NOX4: variants seen among roughly 807,000 people sequenced by gnomAD.
NOX4 encodes the protein kidney oxidase-1.
Under a neutral mutation model 87.6 loss-of-function variants are expected in NOX4, and 69 were observed. The observed-to-expected ratio is 0.79, with a 90% CI of 0.65 to 0.96. NOX4 has a LOEUF of 0.96. Ranked by LOEUF, NOX4 falls within the 40% of genes least tolerant of loss-of-function variation. NOX4 has a pLI of 0.00. For synonymous variants in NOX4, 275 were observed against 238.2 expected, an observed-to-expected ratio of 1.15 and a Z score of -1.42; for missense variants, 680 against 681.5, an observed-to-expected ratio of 1.00 and a Z score of 0.02.
chr11:89,466,103 A>G (rs1945681358), intron 2 of NOX4, among the ~76,000 whole-genome samples: 1 of 152,160 alleles, frequency 6.6e-6, no homozygotes, highest in Non-Finnish European at 1.5e-5. Context: ...ATCAAACCCT[A>G]AATCTATTGA....
the NOX4 span, among the ~76,000 whole-genome samples, chr11:89,527,165 G>A: frequency 3.3e-5 from 5 of 151,996 alleles, no homozygotes; most frequent in African/African-American, 1.2e-4. Flanking sequence ...GATGATTTAG[G>A]GTATCTGGTG....
At chr11:89,370,427 C>T (rs1424717631) in intron 12 of NOX4, among the ~76,000 whole-genome samples, 3 of 151,564 alleles carry the variant, frequency 2.0e-5, no homozygotes, top group Non-Finnish European at 4.4e-5. Context: ...GAATAAGTGG[C>T]TATTTAGACC....
chr11:89,578,243 C>T, the NOX4 span, among the ~76,000 whole-genome samples: 2 of 151,492 alleles, frequency 1.3e-5, no homozygotes, highest in South Asian at 2.1e-4. Flanking sequence ...CTTACTGCAA[C>T]CTCTGCCTCC....
At chr11:89,520,621 C>A in the NOX4 span, among the ~76,000 whole-genome samples, 1 of 152,084 alleles carries the variant, frequency 6.6e-6, no homozygotes, top group Non-Finnish European at 1.5e-5. Flanking sequence ...TGGAAGCATT[C>A]CCCTGGAGAA....
At chr11:89,549,994 A>T in the NOX4 span, among the ~76,000 whole-genome samples, 1 of 152,126 alleles carries the variant, frequency 6.6e-6, no homozygotes, top group Non-Finnish European at 1.5e-5. Context: ...AATGATTTAT[A>T]ATCCTTTGGG....
chr11:89,580,623 C>A, the NOX4 span, among the ~76,000 whole-genome samples: 1 of 152,052 alleles, frequency 6.6e-6, no homozygotes, highest in Non-Finnish European at 1.5e-5. Flanking sequence ...TAGTAAAATT[C>A]TCATTGGGAA....
intron 11 of NOX4, among the ~76,000 whole-genome samples, chr11:89,392,340 G>A (rs1941191087): frequency 6.6e-6 from 1 of 152,082 alleles, no homozygotes; most frequent in African/African-American, 2.4e-5. Flanking sequence ...TGAAGGCCCG[G>A]GGTGAGATGT....
intron 7 of NOX4, among the ~76,000 whole-genome samples, chr11:89,429,840 C>T (rs1943679206): frequency 6.6e-6 from 1 of 152,136 alleles, no homozygotes; most frequent in African/African-American, 2.4e-5. Flanking sequence ...GGGAATCCTC[C>T]CTAACTCATT....
intron 2 of NOX4, among the ~76,000 whole-genome samples, chr11:89,479,933 G>A (rs1375278369): frequency 6.6e-6 from 1 of 152,004 alleles, no homozygotes. Flanking sequence ...CATATGTGGG[G>A]GATTGGTTCC....
the NOX4 span, among the ~76,000 whole-genome samples, chr11:89,509,996 T>G: frequency 1.3e-5 from 2 of 151,988 alleles, no homozygotes; most frequent in African/African-American, 4.8e-5. Context: ...TGGAGGTAAT[T>G]TGAACCTACG....
At chr11:89,467,217 G>A (rs911891639) in intron 2 of NOX4, among the ~76,000 whole-genome samples, 2 of 151,352 alleles carry the variant, frequency 1.3e-5, no homozygotes, top group African/African-American at 4.8e-5. Flanking sequence ...TGGGCCTAGT[G>A]GCGGGCGCCT....
At chr11:89,494,572 C>T (rs572601474), upstream of NOX4, among the ~76,000 whole-genome samples, 12 of 152,214 alleles carry the variant, frequency 7.9e-5, no homozygotes, top group African/African-American at 2.4e-4. Context: ...ATTTACACAA[C>T]GTTTATTAGA....
chr11:89,490,849 A>T (rs1208904074), intron 1 of NOX4: 1 of 701,006 alleles, frequency 1.4e-6, no homozygotes, highest in South Asian at 1.5e-5. Flanking sequence ...TGACATCACC[A>T]TACCCCAAGC....
chr11:89,477,231 G>A (rs749396663), intron 2 of NOX4, among the ~76,000 whole-genome samples: 7 of 152,122 alleles, frequency 4.6e-5, no homozygotes, highest in Non-Finnish European at 7.3e-5. Flanking sequence ...TATCTGGGGG[G>A]TGACAGGAGA....
intron 11 of NOX4, among the ~76,000 whole-genome samples, chr11:89,388,386 A>C (rs553896099): frequency 6.6e-6 from 1 of 152,024 alleles, no homozygotes; most frequent in African/African-American, 2.4e-5. Flanking sequence ...TAAGTGCCTC[A>C]CCATGGAGGT....
rs1203309366 is a variant in NOX4 at position 89,399,997 on chromosome 11, G to A, written c.1074+20C>T. 3 of 1,584,724 alleles carry A rather than the reference G, an allele frequency of 1.9e-6. No homozygotes were observed. In the African/African-American group the frequency reaches 4.1e-5, roughly 22 times the overall value. ...CATAGCACCCTACAAATGTGAAAAA[G>A]CAAGAGATATGTTTCTTACCATTGT... On this transcript the variant is annotated intron_variant, in intron 11 of 17. Coordinates refer to ENST00000263317, the MANE Select transcript of NOX4 (RefSeq NM_016931.5).
chr11:89,349,695 A>T (rs183631529), intron 13 of NOX4, among the ~76,000 whole-genome samples: 1 of 152,326 alleles, frequency 6.6e-6, no homozygotes, highest in Non-Finnish European at 1.5e-5. Flanking sequence ...GGAAGCTCAG[A>T]GAACTTGATC....
At chr11:89,403,075 G>A (rs920753028) in intron 8 of NOX4, among the ~76,000 whole-genome samples, 26 of 152,268 alleles carry the variant, frequency 1.7e-4, no homozygotes, top group African/African-American at 6.0e-4. Context: ...TGTATATACA[G>A]CAATCAGTCC....
At chr11:89,415,823 T>C (rs1291993014) in intron 8 of NOX4, among the ~76,000 whole-genome samples, 1 of 152,096 alleles carries the variant, frequency 6.6e-6, no homozygotes, top group Admixed American at 6.6e-5. Context: ...TCTATATCAG[T>C]GACAGAGAGT....
Sources: allele counts gnomAD v4.1 joint callset (sites outside exome capture counted in the v4.1 genomes callset), GRCh38; gene constraint gnomAD v4.1.1; transcripts MANE v1.5; gene names NCBI Gene and HGNC (gene_info 2026-07-23, HGNC 2026-07-21).